Variants in SLC5A12 observed in about 807,000 individuals in gnomAD.
SLC5A12 encodes sodium-coupled monocarboxylate transporter 2.
In SLC5A12, 46 loss-of-function variants were observed where a neutral mutation model predicts 72.7. The observed-to-expected ratio is 0.63, with a 90% CI of 0.50 to 0.81. The LOEUF (loss-of-function observed/expected upper bound fraction) is 0.81. Ranked by LOEUF, SLC5A12 falls within the 30% of genes least tolerant of loss-of-function variation. The pLI, the probability that SLC5A12 is intolerant of heterozygous loss-of-function variation, is 0.00. For missense variants in SLC5A12, 683 were observed against 740.7 expected (o/e 0.92, Z 0.90); for synonymous variants, 275 against 264.4 (o/e 1.04, Z -0.39).
chr11:26,700,552 G>T (rs1854933906), intron 6 of SLC5A12, among the ~76,000 whole-genome samples: 2 of 145,720 alleles, frequency 1.4e-5, no homozygotes, highest in Non-Finnish European at 3.0e-5. Context: ...TTTTAGATCT[G>T]ATAGAGATAT....
Position 26,703,642 on chromosome 11 carries a change from G to A in SLC5A12, c.710C>T (p.Thr237Ile), listed in dbSNP as rs200010441. ...DFDVDPLRRH[T>I]FWTITVGGTF... Reference sequence around the variant, plus strand: ...TCCTCCCACTGTGATAGTCCAAAAAGTGTGTCGCCTGAGAGGATCTACATC... The same window carrying A: ...TCCTCCCACTGTGATAGTCCAAAAAATGTGTCGCCTGAGAGGATCTACATC... Residue 237 changes from threonine (T) to isoleucine (I), a missense_variant, in exon 6 of 15, where the codon ACT becomes ATT. Thr to Ile is a moderately conservative substitution (Grantham distance 89, BLOSUM62 -1). Coordinates refer to ENST00000396005, the MANE Select transcript of SLC5A12 (RefSeq NM_178498.4). The A allele has an allele frequency of 6.2e-7, 1 of 1,613,846 alleles. No homozygotes were observed. The highest frequency in any genetic ancestry group is 8.5e-7 in the Non-Finnish European group (1 of 1,179,880).
At chr11:26,698,670 C>T in intron 6 of SLC5A12, 135 bp from the exon 7 acceptor site, 1 of 711,818 alleles carries the variant, frequency 1.4e-6, no homozygotes, top group Non-Finnish European at 2.1e-6. Flanking sequence ...CTTTAAGAAT[C>T]ACTACACTTT....
At chr11:26,683,402 G>T (rs2133149277) in intron 11 of SLC5A12, among the ~76,000 whole-genome samples, 1 of 152,192 alleles carries the variant, frequency 6.6e-6, no homozygotes, top group East Asian at 1.9e-4. Context: ...ATTTACATTT[G>T]TAAATACGAA....
intron 6 of SLC5A12, among the ~76,000 whole-genome samples, chr11:26,702,480 C>G (rs1180934903): frequency 6.6e-6 from 1 of 152,102 alleles, no homozygotes; most frequent in South Asian, 2.1e-4. Flanking sequence ...TTTCAAGTAT[C>G]CTGGTTAGGC....
chr11:26,685,010 G>A (rs1055148729), intron 10 of SLC5A12, among the ~76,000 whole-genome samples: 2 of 152,146 alleles, frequency 1.3e-5, no homozygotes, highest in African/African-American at 4.8e-5. Flanking sequence ...ACATTATGAA[G>A]GGATTACAAA....
At chr11:26,704,701 A>T (rs1590732580) in intron 4 of SLC5A12, among the ~76,000 whole-genome samples, 1 of 152,162 alleles carries the variant, frequency 6.6e-6, no homozygotes, top group Non-Finnish European at 1.5e-5. Flanking sequence ...GATGAAAAGA[A>T]GTGGATGGAC....
Position 26,678,713 on chromosome 11 carries a change from T to C in SLC5A12, c.1578A>G (p.Thr526=). The change falls in exon 13 of 15, where the codon ACA becomes ACG. Residue 526 remains threonine, a splice_region_variant and synonymous_variant. Transcript: ENST00000396005. ...CCAAAGGGAGGAATTATAACCAACC[T>C]GTTATGAGGCTGATGATTACTCCAG... The part of the protein sequence containing the change: ...IVAGVIISLI[T]GRQRGEDIQP... 1 of 1,610,280 alleles carries C rather than the reference T, an allele frequency of 6.2e-7. No individual in the cohort carries two copies. The highest frequency in any genetic ancestry group is 1.3e-5 in the African/African-American group (1 of 74,772).
At chr11:26,713,296 T>A (rs1855275565) in intron 1 of SLC5A12, among the ~76,000 whole-genome samples, 1 of 152,116 alleles carries the variant, frequency 6.6e-6, no homozygotes, top group Non-Finnish European at 1.5e-5. Flanking sequence ...CTTTCTTATG[T>A]CACTAACCTT....
chr11:26,682,549 A>G lies in SLC5A12; in HGVS notation c.1308+1208T>C, dbSNP rs573496774. Among the ~76,000 whole-genome samples, 5 of 152,258 alleles carry G rather than the reference A, an allele frequency of 3.3e-5. No homozygotes were observed. In the South Asian group the frequency reaches 1.0e-3, roughly 32 times the overall value. ...AGGGGAGAGGTGACACAAATTTATA[A>G]TATTTACTATACTTTATTAAATATC... On this transcript the variant is annotated intron_variant, in intron 11 of 14. Transcript: ENST00000396005.
At chr11:26,707,094 T>G (rs1436222690) in intron 4 of SLC5A12, among the ~76,000 whole-genome samples, 1 of 151,878 alleles carries the variant, frequency 6.6e-6, no homozygotes, top group Non-Finnish European at 1.5e-5. Flanking sequence ...GAAAGATAGT[T>G]TTATCAAAAA....
At chr11:26,672,722 G>A (rs1326799386) in intron 14 of SLC5A12, among the ~76,000 whole-genome samples, 3 of 152,080 alleles carry the variant, frequency 2.0e-5, no homozygotes, top group Admixed American at 2.0e-4. Context: ...CTTTCTGGTG[G>A]TCTTTGGCTG....
rs562954274 is a variant in SLC5A12, at chr11:26,704,492, T to C, written c.526-545A>G. On this transcript the variant is annotated intron_variant, in intron 4 of 14. Coordinates refer to ENST00000396005, the MANE Select transcript of SLC5A12 (RefSeq NM_178498.4). The stretch of plus-strand genomic sequence containing the variant: ...AGAGGCCTGACCACACAGACTTTGA[T>C]AAGGACACTTAAATGTTTTCTCAAG... 2.0e-5 allele frequency among the ~76,000 whole-genome samples: 3 copies of C among 152,298 alleles called. No homozygotes were observed. In the East Asian group the frequency reaches 5.8e-4, roughly 29 times the overall value.
chr11:26,677,307 G>A lies in SLC5A12; in HGVS notation c.1579+1405C>T, dbSNP rs76417794. The stretch of plus-strand genomic sequence containing the variant: ...GAAGAGTTATTCATGCTGAAAATGT[G>A]TAAGAATTTTCAATCAAATTTAATA... On this transcript the variant is annotated intron_variant, in intron 13 of 14. Transcript: ENST00000396005. Among the ~76,000 whole-genome samples the A allele has an allele frequency of 4.5e-3, 687 of 152,310 alleles. 11 individuals are homozygous for A. The highest frequency in any genetic ancestry group is 0.016 in the African/African-American group (659 of 41,584).
At chr11:26,707,844 A>C (rs1855127074) in intron 4 of SLC5A12, among the ~76,000 whole-genome samples, 1 of 151,880 alleles carries the variant, frequency 6.6e-6, no homozygotes, top group Non-Finnish European at 1.5e-5. Flanking sequence ...CTGTGTGTAA[A>C]TATCTTATAG....
chr11:26,669,201 T>TTTTTTTTCTC lies in SLC5A12; in HGVS notation c.*1900_*1901insGAGAAAAAAA. 7.3e-6 allele frequency: 1 copy of TTTTTTTTCTC among 137,694 alleles called. No homozygotes were observed. Among genetic ancestry groups the TTTTTTTTCTC allele is most frequent in the South Asian group, 2.4e-4 (1 of 4,162 alleles). 8.5% of individuals were successfully genotyped at this position (137,694 alleles called of 1,614,324 possible). A position where few individuals can be genotyped will look rare whatever the true frequency, so the allele number is the denominator to read the frequency against. On this transcript the variant is annotated 3_prime_UTR_variant, in exon 15 of 15. Coordinates refer to ENST00000396005, the MANE Select transcript of SLC5A12 (RefSeq NM_178498.4). ...TTTCTTTCTTCTTTTCTTTCTTTCT[T>TTTTTTTTCTC]TCTTTCTTTCTTTCTTTCTCTCTCT...
intron 6 of SLC5A12, among the ~76,000 whole-genome samples, chr11:26,702,677 G>C (rs1029065164): frequency 1.3e-5 from 2 of 152,088 alleles, no homozygotes; most frequent in Non-Finnish European, 2.9e-5. Flanking sequence ...TTCAGAACAA[G>C]CAGACCAGGA....
intron 6 of SLC5A12, among the ~76,000 whole-genome samples, chr11:26,703,247 T>G (rs1401149642): frequency 6.6e-6 from 1 of 152,146 alleles, no homozygotes; most frequent in Admixed American, 6.6e-5. Flanking sequence ...CAGTACCTAA[T>G]TTAATCTAGT....
At chr11:26,718,441 C>CTA (rs1392787293) in intron 1 of SLC5A12, among the ~76,000 whole-genome samples, 1 of 152,106 alleles carries the variant, frequency 6.6e-6, no homozygotes, top group Non-Finnish European at 1.5e-5. Context: ...AGTCAACAGA[C>CTA]TTTAGAGTCC....
At chr11:26,673,291 C>T in intron 14 of SLC5A12, 111 bp downstream of exon 14, 1 of 1,206,550 alleles carries the variant, frequency 8.3e-7, no homozygotes, top group Non-Finnish European at 1.1e-6. Flanking sequence ...TTCAAGTTCT[C>T]ACACTCACTG....
Sources: allele counts gnomAD v4.1 joint callset (sites outside exome capture counted in the v4.1 genomes callset), GRCh38; gene constraint gnomAD v4.1.1; transcripts MANE v1.5; gene names NCBI Gene and HGNC (gene_info 2026-07-23, HGNC 2026-07-21).